The following HTR1F variants were observed in gnomAD, a reference collection of about 807,000 sequenced individuals.
The protein encoded by HTR1F is 5-hydroxytryptamine receptor 1F.
In HTR1F, 17 loss-of-function variants were observed where a neutral mutation model predicts 24.0. The observed-to-expected ratio is 0.71, with a 90% CI of 0.48 to 1.06. The LOEUF (loss-of-function observed/expected upper bound fraction) is 1.06, where lower values mean the gene tolerates loss of function less well. HTR1F is among the 50% of genes least tolerant of loss of function. HTR1F has a pLI of 0.00. For synonymous variants in HTR1F, 186 were observed against 156.8 expected (o/e 1.19, Z -1.39); for missense variants, 391 against 427.8 (o/e 0.91, Z 0.76).
chr3:87,959,358 T>G (rs1196340603), intron 2 of HTR1F, among the ~76,000 whole-genome samples: 1 of 151,884 alleles, frequency 6.6e-6, no homozygotes, highest in East Asian at 1.9e-4. Context: ...AAATTCTCCC[T>G]TGCTTCCTAC....
chr3:87,945,845 C>G (rs112553175), intron 2 of HTR1F, among the ~76,000 whole-genome samples: 3 of 151,942 alleles, frequency 2.0e-5, no homozygotes, highest in East Asian at 3.9e-4. Context: ...CCTTCTTGGT[C>G]GCCAAAATGT....
intron 2 of HTR1F, among the ~76,000 whole-genome samples, chr3:87,965,474 A>G (rs1705144797): frequency 6.6e-6 from 1 of 152,216 alleles, no homozygotes; most frequent in Non-Finnish European, 1.5e-5. Flanking sequence ...GGAGGATGAA[A>G]ATTGTGAGAT....
At chr3:87,798,038 C>G (rs1404724006) in intron 1 of HTR1F, among the ~76,000 whole-genome samples, 2 of 152,156 alleles carry the variant, frequency 1.3e-5, no homozygotes, top group Non-Finnish European at 2.9e-5. Context: ...ATTCCTAAAG[C>G]TAAGTGTGCT....
intron 2 of HTR1F, among the ~76,000 whole-genome samples, chr3:87,881,476 T>G (rs1412277554): frequency 6.6e-6 from 1 of 152,104 alleles, no homozygotes; most frequent in Non-Finnish European, 1.5e-5. Context: ...GCCTACTGCC[T>G]CTGTTGACTC....
chr3:87,993,321 G>A lies in HTR1F; in HGVS notation c.*1471G>A, dbSNP rs1279668023. 1 of 164,872 alleles carries A rather than the reference G, an allele frequency of 6.1e-6. No homozygotes were observed. The highest frequency in any genetic ancestry group is 6.8e-5 in the Admixed American group (1 of 14,704). The allele number at this position is 164,872 out of a possible 1,614,324, so 10.2% of individuals were successfully genotyped here. On this transcript the variant is annotated 3_prime_UTR_variant, in exon 3 of 3. Coordinates refer to ENST00000319595, the MANE Select transcript of HTR1F (RefSeq NM_001322209.2). ...ATACAAGGCATTGAGACATATACTA[G>A]ATAGAAGATATACGAAATAATAAAA...
At chr3:87,930,101 A>G (rs1053989599) in intron 2 of HTR1F, among the ~76,000 whole-genome samples, 4 of 152,046 alleles carry the variant, frequency 2.6e-5, no homozygotes, top group African/African-American at 9.7e-5. Flanking sequence ...TTGCTATTGT[A>G]TAGGAATGCT....
chr3:87,877,643 C>T (rs1373401376), intron 2 of HTR1F, among the ~76,000 whole-genome samples: 1 of 152,124 alleles, frequency 6.6e-6, no homozygotes, highest in Non-Finnish European at 1.5e-5. Context: ...CTTCAAGGAT[C>T]TAAGTGATAT....
chr3:87,902,671 A>C (rs1706353469), intron 2 of HTR1F, among the ~76,000 whole-genome samples: 1 of 151,556 alleles, frequency 6.6e-6, no homozygotes, highest in Non-Finnish European at 1.5e-5. Context: ...ATATGTATAC[A>C]TGTGCCATGC....
chr3:87,822,715 AT>A (rs1704383370), intron 2 of HTR1F, among the ~76,000 whole-genome samples: 1 of 152,188 alleles, frequency 6.6e-6, no homozygotes, highest in Admixed American at 6.5e-5. Context: ...TGAGGGGACC[AT>A]TCATAGCTTA....
intron 1 of HTR1F, among the ~76,000 whole-genome samples, 163 bp from the exon 2 acceptor site, chr3:87,821,845 T>C (rs544923052): frequency 3.5e-5 from 5 of 143,280 alleles, no homozygotes; most frequent in East Asian, 3.9e-4. Flanking sequence ...TTTTCTTTTA[T>C]TGACTTCTAA....
chr3:87,855,623 T>C (rs778486623), intron 2 of HTR1F, among the ~76,000 whole-genome samples: 2 of 152,144 alleles, frequency 1.3e-5, no homozygotes, highest in Non-Finnish European at 2.9e-5. Context: ...TATACAGTTG[T>C]TCTGTCTTAT....
intron 1 of HTR1F, among the ~76,000 whole-genome samples, chr3:87,807,489 T>C (rs12488627): frequency 0.076 from 11,490 of 152,000 alleles, 511 homozygotes; most frequent in Middle Eastern, 0.12. Flanking sequence ...ATTCCGCAAC[T>C]TCATTGAATT....
At chr3:87,925,243 G>A (rs139888757) in intron 2 of HTR1F, among the ~76,000 whole-genome samples, 24 of 152,200 alleles carry the variant, frequency 1.6e-4, no homozygotes, top group Middle Eastern at 3.4e-3. Flanking sequence ...GGATTGGGGC[G>A]ACCAATGGTG....
chr3:87,989,075 T>C (rs534537049), intron 2 of HTR1F, among the ~76,000 whole-genome samples: 3 of 152,312 alleles, frequency 2.0e-5, no homozygotes, highest in Non-Finnish European at 2.9e-5. Context: ...GGTCTCCATA[T>C]TGTCCTTTCC....
At chr3:87,932,137 G>A (rs1175077926) in intron 2 of HTR1F, among the ~76,000 whole-genome samples, 1 of 152,102 alleles carries the variant, frequency 6.6e-6, no homozygotes, top group African/African-American at 2.4e-5. Flanking sequence ...TGTCCTGAAT[G>A]GTAATGCCTA....
intron 1 of HTR1F, among the ~76,000 whole-genome samples, chr3:87,811,088 G>C (rs77186382): frequency 0.01 from 1,531 of 152,154 alleles, 26 homozygotes; most frequent in African/African-American, 0.034. Context: ...TCTTCCCTTA[G>C]TTCAGAAAGG....
At chr3:87,900,385 G>T (rs1706295056) in intron 2 of HTR1F, among the ~76,000 whole-genome samples, 2 of 152,206 alleles carry the variant, frequency 1.3e-5, no homozygotes, top group South Asian at 4.1e-4. Flanking sequence ...GTGGATGAAG[G>T]AAAGAGTTGT....
At chr3:87,922,780 C>T (rs1388715333) in intron 2 of HTR1F, among the ~76,000 whole-genome samples, 5 of 151,068 alleles carry the variant, frequency 3.3e-5, no homozygotes, top group Admixed American at 6.6e-5. Flanking sequence ...AAGACTGTCC[C>T]TTCCCCAGTG....
At chr3:87,847,015 G>A (rs1044829378) in intron 2 of HTR1F, among the ~76,000 whole-genome samples, 9 of 150,364 alleles carry the variant, frequency 6.0e-5, no homozygotes, top group Admixed American at 3.3e-4. Context: ...AGATATATTG[G>A]GGAAAAATAA....
Sources: gnomAD v4.1 joint callset for allele counts (sites outside exome capture counted in the v4.1 genomes callset) on GRCh38, gnomAD v4.1.1 for gene constraint, MANE v1.5 for transcripts, NCBI Gene and HGNC (gene_info 2026-07-23, HGNC 2026-07-21) for gene names.